The following TFB2M variants were observed in gnomAD, a reference collection of about 807,000 sequenced individuals.
TFB2M encodes dimethyladenosine transferase 2, mitochondrial.
Under a neutral mutation model 41.3 loss-of-function variants are expected in TFB2M, and 44 were observed. The observed-to-expected ratio is 1.07, with a 90% CI of 0.84 to 1.37. TFB2M has a LOEUF of 1.37. Ranked by LOEUF, TFB2M falls within the 40% of genes most tolerant of loss-of-function variation. TFB2M has a pLI of 0.00. For missense variants in TFB2M, 496 were observed against 490.2 expected (o/e 1.01, Z -0.11); for synonymous variants, 188 against 176.8 (o/e 1.06, Z -0.50).
At position 246,541,003 on chromosome 1, in the gene TFB2M, C is replaced by T. The variant is rs544530893; in HGVS notation, c.*28G>A. 159 of 1,570,668 alleles carry T rather than the reference C, an allele frequency of 1.0e-4. 4 individuals are homozygous for T. In the South Asian group the frequency reaches 1.5e-3, roughly 15 times the overall value. On this transcript the variant is annotated 3_prime_UTR_variant, in exon 8 of 8. Transcript: ENST00000366514. ...TGTCATAGTTTCCAAATAAATGAAC[C>T]GCTCCACCAAAAACGACAGTCTAGT...
chr1:246,561,363 T>C (rs979411434), intron 2 of TFB2M, among the ~76,000 whole-genome samples: 1 of 152,248 alleles, frequency 6.6e-6, no homozygotes, highest in African/African-American at 2.4e-5. Context: ...CAGAAACATT[T>C]TGTTATTGAT....
Position 246,544,505 on chromosome 1 carries a change from T to C in TFB2M, c.1019+16A>G. On this transcript the variant is annotated intron_variant, in intron 7 of 7. Coordinates refer to ENST00000366514, the MANE Select transcript of TFB2M (RefSeq NM_022366.3). The stretch of plus-strand genomic sequence containing the variant: ...ATCGTTGCTACTTTATACTTGCTTT[T>C]ATTCTTTTTACTCACCGTAAGTGGT... 1 of 1,578,712 alleles carries C rather than the reference T, an allele frequency of 6.3e-7. No homozygotes were observed. Among genetic ancestry groups the C allele is most frequent in the South Asian group, 1.2e-5 (1 of 84,176 alleles).
chr1:246,558,549 T>TG (rs1659381362), intron 2 of TFB2M, among the ~76,000 whole-genome samples: 1 of 152,236 alleles, frequency 6.6e-6, no homozygotes, highest in Non-Finnish European at 1.5e-5. Context: ...GCAAAGATTC[T>TG]GACACCATGG....
chr1:246,561,894 T>C (rs1437613242), intron 2 of TFB2M, among the ~76,000 whole-genome samples: 1 of 149,076 alleles, frequency 6.7e-6, no homozygotes, highest in Non-Finnish European at 1.5e-5. Flanking sequence ...AAATATAGGC[T>C]TTTTTTTTTC....
At chr1:246,564,464 T>G (rs1440590608) in intron 1 of TFB2M, 30 bp from the exon 2 acceptor site, 1 of 1,593,292 alleles carries the variant, frequency 6.3e-7, no homozygotes. Context: ...AAAAGTTTAT[T>G]TGTACAAGAA....
chr1:246,548,514 GA>G (rs5782396), intron 6 of TFB2M, 30 bp downstream of exon 6: 719,596 of 1,586,740 alleles, frequency 0.45, 167,668 homozygotes, highest in Non-Finnish European at 0.48. Flanking sequence ...CACGTAGGGA[GA>G]AAAAGGAAAA....
intron 6 of TFB2M, among the ~76,000 whole-genome samples, chr1:246,545,677 G>A (rs1446862678): frequency 6.6e-6 from 1 of 152,024 alleles, no homozygotes; most frequent in African/African-American, 2.4e-5. Flanking sequence ...GCAGGGTATG[G>A]TGGTGCATGC....
chr1:246,555,578 C>G (rs749499155), intron 4 of TFB2M, among the ~76,000 whole-genome samples: 29 of 151,896 alleles, frequency 1.9e-4, no homozygotes, highest in Non-Finnish European at 4.1e-4. Flanking sequence ...TCTCAAAAAA[C>G]AAACAAACAA....
chr1:246,548,041 G>T (rs1370069579), intron 6 of TFB2M, among the ~76,000 whole-genome samples: 1 of 151,474 alleles, frequency 6.6e-6, no homozygotes, highest in Non-Finnish European at 1.5e-5. Flanking sequence ...CTGTCTGCCA[G>T]GTTCAAGTGA....
At chr1:246,556,391 A>C (rs186018306) in intron 4 of TFB2M, among the ~76,000 whole-genome samples, 182 bp downstream of exon 4, 223 of 152,316 alleles carry the variant, frequency 1.5e-3, no homozygotes, top group African/African-American at 4.9e-3. Flanking sequence ...ATGGGAATGC[A>C]GTTAAAACCA....
intron 6 of TFB2M, among the ~76,000 whole-genome samples, chr1:246,545,019 A>G (rs958513271): frequency 5.3e-5 from 8 of 151,538 alleles, no homozygotes; most frequent in Non-Finnish European, 8.8e-5. Flanking sequence ...GTTAGCCAGG[A>G]TGGTCTCGAT....
rs116147252 is a variant in TFB2M, at chr1:246,559,324, G to A, written c.403-1790C>T. On this transcript the variant is annotated intron_variant, in intron 2 of 7. Transcript: ENST00000366514. The stretch of plus-strand genomic sequence containing the variant: ...AGCACTTTGGGAGGCCAAAGAGGGC[G>A]GATCACACAAGGTCAGGAGTTTGAG... Among the ~76,000 whole-genome samples, 1,193 of 152,180 alleles carry A rather than the reference G, an allele frequency of 7.8e-3. 18 individuals carry two copies. The highest frequency in any genetic ancestry group is 0.027 in the African/African-American group (1,116 of 41,500).
chr1:246,551,972 G>C (rs577417792), intron 4 of TFB2M, among the ~76,000 whole-genome samples: 1 of 152,216 alleles, frequency 6.6e-6, no homozygotes, highest in South Asian at 2.1e-4. Context: ...AATGGGTCTG[G>C]GGGAGCAAAT....
In TFB2M at chr1:246,564,359, A is replaced by G; in HGVS notation, c.389T>C (p.Ile130Thr). The change falls in exon 2 of 8, where the codon ATT becomes ACT. Residue 130 changes from isoleucine to threonine, a missense_variant. Physicochemically the swap from Ile to Thr is moderately conservative, Grantham distance 89. Transcript: ENST00000366514. ...VVALESDKTF[I>T]PHLESLGKNL... Reference sequence around the variant, plus strand: ...CTAAAAATATACCTCCAAATGTGGAATAAAAGTTTTGTCACTTTCGAGCGC... The same window carrying G: ...CTAAAAATATACCTCCAAATGTGGAGTAAAAGTTTTGTCACTTTCGAGCGC... 1 of 1,614,172 alleles carries G rather than the reference A, an allele frequency of 6.2e-7. No homozygotes were observed. Among genetic ancestry groups the G allele is most frequent in the Non-Finnish European group, 8.5e-7 (1 of 1,179,978 alleles).
At chr1:246,544,868 T>G (rs1471255884) in intron 6 of TFB2M, among the ~76,000 whole-genome samples, 187 bp from the exon 7 acceptor site, 3 of 152,090 alleles carry the variant, frequency 2.0e-5, no homozygotes, top group Non-Finnish European at 4.4e-5. Flanking sequence ...TACAACGGCG[T>G]GATCTCCACT....
chr1:246,562,762 C>A (rs1363235242), intron 2 of TFB2M, among the ~76,000 whole-genome samples: 2 of 151,888 alleles, frequency 1.3e-5, no homozygotes, highest in Non-Finnish European at 2.9e-5. Flanking sequence ...CGGGTTCAAG[C>A]GATTCTCCTG....
At chr1:246,542,147 C>T (rs541001290) in intron 7 of TFB2M, among the ~76,000 whole-genome samples, 92 of 152,090 alleles carry the variant, frequency 6.0e-4, no homozygotes, top group African/African-American at 2.2e-3. Flanking sequence ...GTAAAAGATA[C>T]AGCATCTTTA....
At chr1:246,544,478 G>C (rs775113532) in intron 7 of TFB2M, 43 bp downstream of exon 7, 2 of 1,509,328 alleles carry the variant, frequency 1.3e-6, no homozygotes, top group South Asian at 2.5e-5. Context: ...AATAATTTGT[G>C]CATCGTTGCT....
At chr1:246,545,077 A>ATTACAGGCG (rs1658975968) in intron 6 of TFB2M, among the ~76,000 whole-genome samples, 1 of 151,536 alleles carries the variant, frequency 6.6e-6, no homozygotes, top group Non-Finnish European at 1.5e-5. Context: ...AAGTGCTGGG[A>ATTACAGGCG]TTACAGGCGT....
Sources: gnomAD v4.1 joint callset for allele counts (sites outside exome capture counted in the v4.1 genomes callset) on GRCh38, gnomAD v4.1.1 for gene constraint, MANE v1.5 for transcripts, NCBI Gene and HGNC (gene_info 2026-07-23, HGNC 2026-07-21) for gene names.